PALM2AKAP2: variants seen among roughly 807,000 people sequenced by gnomAD.
PALM2AKAP2 encodes PALM2-AKAP2 fusion protein.
In PALM2AKAP2, 37 loss-of-function variants were observed where a neutral mutation model predicts 71.5. The observed-to-expected ratio is 0.52, with a 90% CI of 0.40 to 0.68. The LOEUF (loss-of-function observed/expected upper bound fraction) is 0.68, where lower values mean the gene tolerates loss of function less well. Ranked by LOEUF, PALM2AKAP2 falls within the 30% of genes least tolerant of loss-of-function variation. The pLI, the probability that PALM2AKAP2 is intolerant of heterozygous loss-of-function variation, is 0.00. For synonymous variants in PALM2AKAP2, 468 were observed against 478.8 expected (o/e 0.98, Z 0.29); for missense variants, 1,224 against 1,191.8 (o/e 1.03, Z -0.40).
chr9:109,647,166 C>T (rs1347881442), intron 1 of PALM2AKAP2, among the ~76,000 whole-genome samples: 1 of 151,850 alleles, frequency 6.6e-6, no homozygotes, highest in African/African-American at 2.4e-5. Context: ...GAAATCATAC[C>T]ACATATGTTG....
chr9:109,772,733 G>A (rs1361247259), intron 1 of PALM2AKAP2, among the ~76,000 whole-genome samples: 3 of 152,200 alleles, frequency 2.0e-5, no homozygotes, highest in Non-Finnish European at 2.9e-5. Context: ...GATCATCTTA[G>A]AAACCCTTCC....
rs551623347 is a variant in PALM2AKAP2, at chr9:109,652,782, A to G, written c.5+11916A>G. On this transcript the variant is annotated intron_variant, in intron 1 of 6. Coordinates refer to the PALM2AKAP2 transcript ENST00000374531. ...TTGTCTTTGCCTTCATAGGGGTCAC[A>G]ATCTAATGAGAAACATAGTTGGTCA... Among the ~76,000 whole-genome samples, 20 of 152,352 alleles carry G rather than the reference A, an allele frequency of 1.3e-4. No homozygotes were observed. In the East Asian group the frequency reaches 3.9e-3, roughly 29 times the overall value.
At chr9:109,667,413 C>T (rs756404240) in intron 1 of PALM2AKAP2, among the ~76,000 whole-genome samples, 5 of 151,988 alleles carry the variant, frequency 3.3e-5, no homozygotes, top group South Asian at 4.2e-4. Flanking sequence ...GACCTAGGCC[C>T]GAAGATCTAC....
At chr9:109,794,152 T>C (rs1284983263) in intron 1 of PALM2AKAP2, among the ~76,000 whole-genome samples, 2 of 152,178 alleles carry the variant, frequency 1.3e-5, no homozygotes, top group Non-Finnish European at 2.9e-5. Context: ...GGGCTTACCA[T>C]GATGAGAGGT....
exon 4 of PALM2AKAP2, chr9:110,168,752 A>G: frequency 2.4e-6 from 1 of 422,026 alleles, no homozygotes; most frequent in Non-Finnish European, 4.2e-6. Context: ...GTTTGGGGCC[A>G]ATCTACAATG....
At chr9:109,727,117 G>A (rs1011319478) in intron 1 of PALM2AKAP2, among the ~76,000 whole-genome samples, 10 of 152,176 alleles carry the variant, frequency 6.6e-5, no homozygotes, top group Admixed American at 2.0e-4. Flanking sequence ...ATTAGAGTGT[G>A]TTTTACTTCT....
At chr9:110,090,804 TG>T (rs1229094489) in intron 1 of PALM2AKAP2, among the ~76,000 whole-genome samples, 1 of 152,178 alleles carries the variant, frequency 6.6e-6, no homozygotes, top group African/African-American at 2.4e-5. Context: ...TCAGTAGAAA[TG>T]TTCTCTGGGA....
chr9:109,937,653 A>G (rs1292087247), intron 6 of PALM2AKAP2, among the ~76,000 whole-genome samples: 2 of 152,216 alleles, frequency 1.3e-5, no homozygotes, highest in Non-Finnish European at 2.9e-5. Context: ...GGAAATCAAT[A>G]ATTAAATACA....
intron 6 of PALM2AKAP2, among the ~76,000 whole-genome samples, chr9:110,001,532 T>C (rs910225045): frequency 1.1e-4 from 17 of 152,246 alleles, no homozygotes; most frequent in Non-Finnish European, 5.9e-5. Flanking sequence ...TTAAAGTAGT[T>C]TTCTCCAATT....
chr9:109,918,334 A>C (rs575354981), intron 3 of PALM2AKAP2, among the ~76,000 whole-genome samples: 2 of 152,198 alleles, frequency 1.3e-5, no homozygotes, highest in Non-Finnish European at 2.9e-5. Context: ...GGGGTTAGGT[A>C]CATTTTATAA....
intron 1 of PALM2AKAP2, among the ~76,000 whole-genome samples, chr9:110,051,487 G>A (rs781553516): frequency 1.3e-5 from 2 of 152,208 alleles, no homozygotes; most frequent in Non-Finnish European, 1.5e-5. Flanking sequence ...TAACCATTAC[G>A]GATTTGGTGA....
At chr9:110,038,596 A>C (rs1833454507) in intron 7 of PALM2AKAP2, among the ~76,000 whole-genome samples, 1 of 151,958 alleles carries the variant, frequency 6.6e-6, no homozygotes, top group Admixed American at 6.6e-5. Flanking sequence ...TTTTGCTTTG[A>C]GGGGAAACAG....
chr9:109,961,545 G>A (rs79694676), intron 6 of PALM2AKAP2, among the ~76,000 whole-genome samples: 2,183 of 152,330 alleles, frequency 0.014, 58 homozygotes, highest in African/African-American at 0.05. Context: ...GTGACCATAT[G>A]TCCCAGTTTG....
chr9:110,090,271 G>A (rs1834676383), intron 1 of PALM2AKAP2: 2 of 444,618 alleles, frequency 4.5e-6, no homozygotes, highest in Admixed American at 4.8e-5. Context: ...GCAGAGGGCT[G>A]TGTTCCTGTG....
intron 1 of PALM2AKAP2, among the ~76,000 whole-genome samples, chr9:110,130,088 A>G (rs1055724732): frequency 6.6e-6 from 1 of 152,208 alleles, no homozygotes; most frequent in East Asian, 1.9e-4. Flanking sequence ...TCTTTTCCCA[A>G]AAGAAAATCA....
chr9:109,742,852 T>C (rs1433410237), intron 1 of PALM2AKAP2, among the ~76,000 whole-genome samples: 1 of 152,102 alleles, frequency 6.6e-6, no homozygotes, highest in Non-Finnish European at 1.5e-5. Context: ...CCTTGAAAAT[T>C]TCCAGAAAGG....
At chr9:110,168,461 G>A in exon 4 of PALM2AKAP2, 1 of 1,614,194 alleles carries the variant, frequency 6.2e-7, no homozygotes, top group Non-Finnish European at 8.5e-7. Flanking sequence ...GGGAAGCAGG[G>A]ATCTATGCCA....
intron 7 of PALM2AKAP2, among the ~76,000 whole-genome samples, chr9:110,032,772 A>G (rs1461606629): frequency 3.3e-5 from 5 of 151,042 alleles, no homozygotes; most frequent in African/African-American, 1.2e-4. Context: ...AAAAAATAAA[A>G]AAATAAAAAA....
At chr9:109,902,362 C>T (rs372979015) in intron 3 of PALM2AKAP2, among the ~76,000 whole-genome samples, 7 of 152,344 alleles carry the variant, frequency 4.6e-5, no homozygotes, top group African/African-American at 9.6e-5. Flanking sequence ...CTGTGGCTCC[C>T]GTTTCTCTCT....
Sources: gnomAD v4.1 joint callset for allele counts (sites outside exome capture counted in the v4.1 genomes callset) on GRCh38, gnomAD v4.1.1 for gene constraint, MANE v1.5 for transcripts, NCBI Gene and HGNC (gene_info 2026-07-23, HGNC 2026-07-21) for gene names.